Variants in QRFPR observed in about 807,000 individuals in gnomAD.
QRFPR encodes pyroglutamylated RFamide peptide receptor.
Under a neutral mutation model 31.3 loss-of-function variants are expected in QRFPR, and 37 were observed. The ratio of observed to expected loss-of-function variants is 1.18; its 90% confidence interval spans 0.91 to 1.56. The LOEUF is 1.56. Ranked by LOEUF, QRFPR falls within the 40% of genes most tolerant of loss-of-function variation. QRFPR has a pLI of 0.00. For missense variants in QRFPR, 542 were observed against 532.5 expected (o/e 1.02, Z -0.18); for synonymous variants, 197 against 192.0 (o/e 1.03, Z -0.22).
chr4:121,335,969 T>C (rs1188319267), intron 3 of QRFPR, among the ~76,000 whole-genome samples: 1 of 151,982 alleles, frequency 6.6e-6, no homozygotes, highest in Non-Finnish European at 1.5e-5. Context: ...GTCCAGCTCA[T>C]TCAACAAATT....
At chr4:121,345,625 G>A (rs1725630007) in intron 1 of QRFPR, among the ~76,000 whole-genome samples, 1 of 152,110 alleles carries the variant, frequency 6.6e-6, no homozygotes, top group African/African-American at 2.4e-5. Context: ...TCTGACTCTT[G>A]GGATAGAAGC....
chr4:121,364,727 C>T (rs1006346112), intron 1 of QRFPR, among the ~76,000 whole-genome samples: 1 of 149,894 alleles, frequency 6.7e-6, no homozygotes, highest in African/African-American at 2.5e-5. Context: ...GTGCTGGTCA[C>T]TGGACTAAAT....
intron 1 of QRFPR, among the ~76,000 whole-genome samples, chr4:121,363,451 A>G (rs1438571737): frequency 6.7e-6 from 1 of 150,198 alleles, no homozygotes; most frequent in Non-Finnish European, 1.5e-5. Flanking sequence ...CATGTGCATC[A>G]CATGAACCAT....
chr4:121,378,865 A>G (rs772562316), intron 1 of QRFPR, among the ~76,000 whole-genome samples: 12 of 152,202 alleles, frequency 7.9e-5, no homozygotes, highest in Non-Finnish European at 1.5e-4. Context: ...ACTTTGCATA[A>G]TTATTTTCAC....
chr4:121,380,881 C>T lies in QRFPR; in HGVS notation c.-234G>A. 4.0e-6 allele frequency: 2 copies of T among 500,112 alleles called. No homozygotes were observed. Among genetic ancestry groups the T allele is most frequent in the Non-Finnish European group, 7.0e-6 (2 of 285,918 alleles). 31.0% of individuals were successfully genotyped at this position (500,112 alleles called of 1,614,324 possible). ...AAGCCAAAGCACTGGGAGACTCGAT[C>T]TCAGTGACCAAAAAATGTTCGCGGT... is the stretch of plus-strand genomic sequence containing the variant. On this transcript the variant is annotated 5_prime_UTR_variant, in exon 1 of 6. Coordinates refer to ENST00000394427, the MANE Select transcript of QRFPR (RefSeq NM_198179.3).
rs550876934 is a variant in QRFPR, at chr4:121,349,891, A to G, written c.341-9281T>C. Among the ~76,000 whole-genome samples the G allele has an allele frequency of 3.3e-5, 5 of 152,358 alleles. No homozygotes were observed. In the South Asian group the frequency reaches 1.0e-3, roughly 32 times the overall value. ...TATTTTTCTCCAATAAGGCATAGCA[A>G]TCAGCATACAGCAATTTATACATGC... On this transcript the variant is annotated intron_variant, in intron 1 of 5. Coordinates refer to ENST00000394427, the MANE Select transcript of QRFPR (RefSeq NM_198179.3).
At chr4:121,367,381 C>T (rs1237294038) in intron 1 of QRFPR, among the ~76,000 whole-genome samples, 1 of 150,144 alleles carries the variant, frequency 6.7e-6, no homozygotes, top group African/African-American at 2.5e-5. Context: ...TAAATGAAAG[C>T]AGCACCCTTT....
rs1430235331 is a variant in QRFPR, at chr4:121,328,731, T to G, written c.*583A>C. On this transcript the variant is annotated 3_prime_UTR_variant, in exon 6 of 6. Coordinates refer to ENST00000394427, the MANE Select transcript of QRFPR (RefSeq NM_198179.3). Reference sequence around the variant, plus strand: ...TTTTTAAAAATCCACTGAAATAATCTTAAAAGTATGGTTTACGAATTTTTC... The same window carrying G: ...TTTTTAAAAATCCACTGAAATAATCGTAAAAGTATGGTTTACGAATTTTTC... Among the ~76,000 whole-genome samples the G allele has an allele frequency of 6.6e-6, 1 of 152,194 alleles. No individual in the cohort carries two copies. The highest frequency in any genetic ancestry group is 2.4e-5 in the African/African-American group (1 of 41,440).
intron 1 of QRFPR, among the ~76,000 whole-genome samples, chr4:121,360,540 AG>A (rs1373836775): frequency 6.6e-6 from 1 of 152,120 alleles, no homozygotes; most frequent in Non-Finnish European, 1.5e-5. Flanking sequence ...CTCCCCTGAT[AG>A]TAGTGGTTTT....
intron 1 of QRFPR, among the ~76,000 whole-genome samples, chr4:121,353,227 A>G (rs1725797387): frequency 6.6e-6 from 1 of 152,102 alleles, no homozygotes; most frequent in Non-Finnish European, 1.5e-5. Context: ...TTTTGGATGT[A>G]TACTCAGCAG....
At chr4:121,355,107 TC>T (rs910379093) in intron 1 of QRFPR, among the ~76,000 whole-genome samples, 1 of 152,128 alleles carries the variant, frequency 6.6e-6, no homozygotes, top group Non-Finnish European at 1.5e-5. Context: ...AAGTATTCCT[TC>T]CGCTTTGATT....
chr4:121,329,989 A>G (rs1725290818), intron 5 of QRFPR, among the ~76,000 whole-genome samples: 1 of 152,212 alleles, frequency 6.6e-6, no homozygotes, highest in Non-Finnish European at 1.5e-5. Flanking sequence ...AGCTTCATGT[A>G]AACTGGAAGC....
chr4:121,374,543 T>C (rs1726315487), intron 1 of QRFPR, among the ~76,000 whole-genome samples: 1 of 152,210 alleles, frequency 6.6e-6, no homozygotes, highest in Non-Finnish European at 1.5e-5. Context: ...TCAGTGGCTT[T>C]CAACTTTGGC....
intron 1 of QRFPR, among the ~76,000 whole-genome samples, chr4:121,362,540 A>G (rs1726013860): frequency 1.3e-5 from 2 of 150,244 alleles, no homozygotes; most frequent in Non-Finnish European, 3.0e-5. Flanking sequence ...AAAGAAAAAT[A>G]AAGTTGGAAG....
At chr4:121,372,278 C>T (rs575666011) in intron 1 of QRFPR, among the ~76,000 whole-genome samples, 3 of 152,176 alleles carry the variant, frequency 2.0e-5, no homozygotes, top group South Asian at 2.1e-4. Context: ...CCCTGAGGTG[C>T]GTGATTAGTT....
chr4:121,352,378 C>T (rs1725776776), intron 1 of QRFPR, among the ~76,000 whole-genome samples: 1 of 152,004 alleles, frequency 6.6e-6, no homozygotes, highest in African/African-American at 2.4e-5. Flanking sequence ...AATAAGATGA[C>T]TGCAGTATCT....
At chr4:121,348,819 C>T (rs1028077524) in intron 1 of QRFPR, among the ~76,000 whole-genome samples, 5 of 152,026 alleles carry the variant, frequency 3.3e-5, no homozygotes, top group African/African-American at 4.8e-5. Flanking sequence ...TGGTTACGGC[C>T]GGGTGCGATG....
At chr4:121,365,441 G>T (rs111787272) in intron 1 of QRFPR, among the ~76,000 whole-genome samples, 1 of 93,616 alleles carries the variant, frequency 1.1e-5, no homozygotes, top group African/African-American at 4.0e-5. Context: ...GCAACAGAGC[G>T]AGACTCCATC....
At chr4:121,369,690 A>T in intron 1 of QRFPR, 9 of 1,583,844 alleles carry the variant, frequency 5.7e-6, no homozygotes, top group Non-Finnish European at 7.8e-6. Flanking sequence ...CACTTATCTG[A>T]CAAGTTTCTG....
Sources: gnomAD v4.1 joint callset for allele counts (sites outside exome capture counted in the v4.1 genomes callset) on GRCh38, gnomAD v4.1.1 for gene constraint, MANE v1.5 for transcripts, NCBI Gene and HGNC (gene_info 2026-07-23, HGNC 2026-07-21) for gene names.